EFL1: variants seen among roughly 807,000 people sequenced by gnomAD.
EFL1 encodes the protein elongation factor like GTPase 1.
A neutral mutation model predicts 126.7 loss-of-function variants in EFL1; 76 were observed. That is an observed-to-expected ratio of 0.60 (90% confidence interval 0.50 to 0.73). The LOEUF is 0.73. Ranked by LOEUF, EFL1 falls within the 30% of genes least tolerant of loss-of-function variation. The probability of loss-of-function intolerance (pLI) is 0.00; values close to 1 mark genes in which losing one functional copy is unlikely to be tolerated. For synonymous variants in EFL1, 410 were observed against 448.4 expected (o/e 0.91, Z 1.08); for missense variants, 1,128 against 1,343.2 (o/e 0.84, Z 2.50).
At chr15:82,159,056 G>GA (rs1039156430) in intron 16 of EFL1, among the ~76,000 whole-genome samples, 2 of 152,204 alleles carry the variant, frequency 1.3e-5, no homozygotes, top group African/African-American at 2.4e-5. Context: ...GCCACATATG[G>GA]AATGCAAAGA....
At chr15:82,217,095 T>G (rs1356742496) in intron 14 of EFL1, among the ~76,000 whole-genome samples, 2 of 151,940 alleles carry the variant, frequency 1.3e-5, no homozygotes, top group Non-Finnish European at 2.9e-5. Flanking sequence ...AAAGAAAATG[T>G]AAACTAAAAC....
chr15:82,172,083 A>T (rs564497102), intron 15 of EFL1, among the ~76,000 whole-genome samples: 231 of 85,946 alleles, frequency 2.7e-3, no homozygotes, highest in African/African-American at 9.4e-3. Context: ...AAAAAACATT[A>T]AAAAAAAAAA....
intron 15 of EFL1, among the ~76,000 whole-genome samples, chr15:82,197,239 T>A (rs940319740): frequency 6.6e-6 from 1 of 152,188 alleles, no homozygotes; most frequent in Non-Finnish European, 1.5e-5. Context: ...CTAAAAAAAA[T>A]GTTCCTCTTT....
intron 18 of EFL1, 27 bp downstream of exon 18, chr15:82,151,438 T>G (rs1422797034): frequency 1.3e-6 from 2 of 1,564,562 alleles, no homozygotes; most frequent in African/African-American, 2.7e-5. Context: ...AGGGCATTTC[T>G]CACTATCTTT....
intron 16 of EFL1, among the ~76,000 whole-genome samples, chr15:82,161,608 A>G (rs1484299006): frequency 6.6e-6 from 1 of 152,246 alleles, no homozygotes; most frequent in Admixed American, 6.5e-5. Flanking sequence ...GGAAGAAAAT[A>G]GCAATACTCC....
chr15:82,142,802 C>CT (rs959440265), intron 18 of EFL1, among the ~76,000 whole-genome samples: 1 of 152,136 alleles, frequency 6.6e-6, no homozygotes, highest in Non-Finnish European at 1.5e-5. Context: ...TTTGCCAACT[C>CT]TAAGCTCACA....
At chr15:82,157,562 T>C (rs2073980850) in intron 17 of EFL1, 151 bp downstream of exon 17, 2 of 913,104 alleles carry the variant, frequency 2.2e-6, no homozygotes, top group Non-Finnish European at 3.1e-6. Context: ...AAAATAAGTC[T>C]ACAATCGAAT....
intron 4 of EFL1, among the ~76,000 whole-genome samples, chr15:82,249,978 G>A (rs1463712412): frequency 2.6e-5 from 4 of 152,020 alleles, no homozygotes; most frequent in African/African-American, 9.7e-5. Context: ...ACCACAGAAA[G>A]GGCTTAACTT....
At chr15:82,131,814 T>C (rs1286905156) in intron 19 of EFL1, among the ~76,000 whole-genome samples, 1 of 151,924 alleles carries the variant, frequency 6.6e-6, no homozygotes, top group Non-Finnish European at 1.5e-5. Context: ...AAAAGTTCAA[T>C]TTTATGTTGT....
chr15:82,201,784 C>T (rs937594602), intron 15 of EFL1, among the ~76,000 whole-genome samples: 9 of 147,494 alleles, frequency 6.1e-5, no homozygotes, highest in Non-Finnish European at 1.2e-4. Flanking sequence ...AGGCATATGG[C>T]TTGTCAGAGA....
intron 10 of EFL1, 65 bp from the exon 11 acceptor site, chr15:82,227,637 T>C (rs1393004998): frequency 1.9e-6 from 3 of 1,606,880 alleles, no homozygotes; most frequent in African/African-American, 2.7e-5. Context: ...GAAGATTCAC[T>C]GTATGCACTA....
At chr15:82,170,523 C>T (rs1380732556) in intron 15 of EFL1, among the ~76,000 whole-genome samples, 1 of 152,138 alleles carries the variant, frequency 6.6e-6, no homozygotes, top group Non-Finnish European at 1.5e-5. Flanking sequence ...TTTCTTTAGT[C>T]AACATGCATT....
rs1200611644 is a variant in EFL1, at chr15:82,151,538, T to A, written c.2916A>T (p.Ala972=). ...TCAGGCGCTGAGGTTTCACTTGCAG[T>A]GCATAGCGACATGCTTCTTTCATGG... ...IATMKEACRY[A]LQVKPQRLMA... Residue 972 remains alanine, a synonymous_variant, in exon 18 of 20, where the codon GCA becomes GCT. Coordinates refer to ENST00000268206, the MANE Select transcript of EFL1 (RefSeq NM_024580.6). 6.2e-7 allele frequency: 1 copy of A among 1,614,140 alleles called. No homozygotes were observed. Among genetic ancestry groups the A allele is most frequent in the Non-Finnish European group, 8.5e-7 (1 of 1,180,024 alleles).
chr15:82,221,966 G>A (rs962231832), intron 12 of EFL1, among the ~76,000 whole-genome samples: 2 of 152,120 alleles, frequency 1.3e-5, no homozygotes, highest in African/African-American at 4.8e-5. Flanking sequence ...CATTCTAGCC[G>A]TTCCTTCAAC....
At chr15:82,147,488 A>C (rs938466019) in intron 18 of EFL1, among the ~76,000 whole-genome samples, 3 of 151,038 alleles carry the variant, frequency 2.0e-5, no homozygotes, top group African/African-American at 7.3e-5. Context: ...ACAACAAAAA[A>C]AAAATTAGCT....
chr15:82,180,394 A>AC (rs2074240555), intron 15 of EFL1, among the ~76,000 whole-genome samples: 2 of 151,390 alleles, frequency 1.3e-5, no homozygotes, highest in East Asian at 1.9e-4. Context: ...CAAACAAAAA[A>AC]AACCAGCCAA....
chr15:82,138,975 A>T (rs1319160323), intron 18 of EFL1, 133 bp from the exon 19 acceptor site: 17 of 842,300 alleles, frequency 2.0e-5, no homozygotes, highest in Non-Finnish European at 2.9e-5. Context: ...GATTTACAAA[A>T]GCAAGGAACA....
chr15:82,172,495 T>C (rs917811265), intron 15 of EFL1, among the ~76,000 whole-genome samples: 23 of 152,144 alleles, frequency 1.5e-4, no homozygotes, highest in African/African-American at 5.5e-4. Flanking sequence ...TGTGTGAAAA[T>C]ATCTTCCCGT....
chr15:82,203,653 C>T (rs990562878), intron 15 of EFL1, among the ~76,000 whole-genome samples: 5 of 152,236 alleles, frequency 3.3e-5, no homozygotes, highest in African/African-American at 7.2e-5. Flanking sequence ...GTTGGGATTA[C>T]AGGCGTGAGC....
Sources: allele counts gnomAD v4.1 joint callset (sites outside exome capture counted in the v4.1 genomes callset), GRCh38; gene constraint gnomAD v4.1.1; transcripts MANE v1.5; gene names NCBI Gene and HGNC (gene_info 2026-07-23, HGNC 2026-07-21).